NKAIN3: variants seen among roughly 807,000 people sequenced by gnomAD.
The protein encoded by NKAIN3 is sodium/potassium transporting ATPase interacting 3, also known as sodium/potassium-transporting ATPase subunit beta-1-interacting protein 3.
NKAIN3 carries 25 observed loss-of-function variants against 30.2 expected under a neutral mutation model. The observed-to-expected ratio is 0.83, with a 90% CI of 0.60 to 1.16. NKAIN3 has a LOEUF of 1.16. Ranked by LOEUF, NKAIN3 falls within the 50% of genes most tolerant of loss-of-function variation. The pLI, the probability that NKAIN3 is intolerant of heterozygous loss-of-function variation, is 0.00. For missense variants in NKAIN3, 225 were observed against 254.1 expected (o/e 0.89, Z 0.78); for synonymous variants, 91 against 89.6 (o/e 1.02, Z -0.09).
chr8:62,770,130 GA>G (rs2130634197), intron 4 of NKAIN3, among the ~76,000 whole-genome samples: 2 of 152,302 alleles, frequency 1.3e-5, no homozygotes, highest in Non-Finnish European at 2.9e-5. Flanking sequence ...ACAAGACTAG[GA>G]GGAGCCTGCA....
At chr8:62,660,884 C>A (rs1203671390) in intron 3 of NKAIN3, among the ~76,000 whole-genome samples, 1 of 152,220 alleles carries the variant, frequency 6.6e-6, no homozygotes, top group African/African-American at 2.4e-5. Flanking sequence ...ATTCAGCCAG[C>A]CCAGCTGGGG....
chr8:62,992,391 A>C (rs148373700), intron 5 of NKAIN3, among the ~76,000 whole-genome samples: 1 of 151,720 alleles, frequency 6.6e-6, no homozygotes, highest in African/African-American at 2.4e-5. Context: ...GCCCCTCTCT[A>C]TGTTACTTTA....
At chr8:62,935,870 A>G (rs777090414) in intron 5 of NKAIN3, among the ~76,000 whole-genome samples, 7 of 152,204 alleles carry the variant, frequency 4.6e-5, no homozygotes, top group Non-Finnish European at 8.8e-5. Flanking sequence ...GAAGCTTATC[A>G]TTAGAAAAAC....
intron 5 of NKAIN3, among the ~76,000 whole-genome samples, chr8:62,945,695 G>T (rs995910400): frequency 6.6e-6 from 1 of 152,080 alleles, no homozygotes; most frequent in Admixed American, 6.6e-5. Flanking sequence ...CATTCACTTG[G>T]GGCACACCTT....
intron 4 of NKAIN3, among the ~76,000 whole-genome samples, chr8:62,768,224 TCA>T (rs1816904905): frequency 6.6e-6 from 1 of 152,182 alleles, no homozygotes; most frequent in African/African-American, 2.4e-5. Context: ...CTCTTGTGTA[TCA>T]CAGAGTATCT....
chr8:62,781,947 A>T (rs1034027320), intron 4 of NKAIN3, among the ~76,000 whole-genome samples: 1 of 152,058 alleles, frequency 6.6e-6, no homozygotes, highest in Non-Finnish European at 1.5e-5. Flanking sequence ...AACAAATGGG[A>T]TATTTAACTA....
chr8:62,643,210 A>G (rs1812359811), intron 3 of NKAIN3, among the ~76,000 whole-genome samples: 2 of 152,162 alleles, frequency 1.3e-5, no homozygotes, highest in South Asian at 4.1e-4. Context: ...TAGTAACATT[A>G]TTCTACAAGT....
At chr8:62,454,968 A>G (rs760590204) in intron 1 of NKAIN3, among the ~76,000 whole-genome samples, 12 of 152,210 alleles carry the variant, frequency 7.9e-5, no homozygotes, top group African/African-American at 2.9e-4. Context: ...TGAAGTTGGC[A>G]CATGCCAACT....
chr8:62,959,303 A>T (rs1823503083), intron 6 of NKAIN3, among the ~76,000 whole-genome samples: 1 of 152,168 alleles, frequency 6.6e-6, no homozygotes, highest in Non-Finnish European at 1.5e-5. Context: ...ACAGATGCAG[A>T]GGTGGTCACG....
At chr8:62,853,702 C>T (rs1418177280) in intron 4 of NKAIN3, among the ~76,000 whole-genome samples, 3 of 152,116 alleles carry the variant, frequency 2.0e-5, no homozygotes, top group Non-Finnish European at 4.4e-5. Context: ...ATGTCTCTGT[C>T]TCCTTCAATT....
intron 3 of NKAIN3, among the ~76,000 whole-genome samples, chr8:62,640,874 A>G (rs1238643880): frequency 6.6e-6 from 1 of 152,080 alleles, no homozygotes; most frequent in African/African-American, 2.4e-5. Context: ...CTTAAATCGA[A>G]GCTGAAAACT....
intron 1 of NKAIN3, among the ~76,000 whole-genome samples, chr8:62,402,722 C>T (rs937868876): frequency 6.6e-6 from 1 of 152,180 alleles, no homozygotes; most frequent in Non-Finnish European, 1.5e-5. Context: ...AATTTAACCT[C>T]TTTCCTTTGT....
chr8:62,319,119 G>A (rs1374660424), intron 1 of NKAIN3, among the ~76,000 whole-genome samples: 2 of 152,148 alleles, frequency 1.3e-5, no homozygotes, highest in Admixed American at 6.5e-5. Flanking sequence ...GTTTATTTGT[G>A]TAGAGATGTT....
At chr8:62,948,290 C>G (rs1387126094) in intron 5 of NKAIN3, among the ~76,000 whole-genome samples, 1 of 151,702 alleles carries the variant, frequency 6.6e-6, no homozygotes, top group Non-Finnish European at 1.5e-5. Context: ...ACCTCCTCCT[C>G]GAGGGTTCAA....
At chr8:62,411,934 A>G (rs1383402461) in intron 1 of NKAIN3, among the ~76,000 whole-genome samples, 2 of 152,216 alleles carry the variant, frequency 1.3e-5, no homozygotes, top group Non-Finnish European at 2.9e-5. Context: ...AAAACATTCC[A>G]GGCTTATGGA....
chr8:62,285,919 G>C (rs1440570267), intron 1 of NKAIN3, among the ~76,000 whole-genome samples: 3 of 152,152 alleles, frequency 2.0e-5, no homozygotes, highest in Non-Finnish European at 4.4e-5. Flanking sequence ...TTGAATCTGT[G>C]TATTATGCAT....
chr8:62,921,288 A>G (rs1047812301), intron 5 of NKAIN3, among the ~76,000 whole-genome samples: 3 of 152,232 alleles, frequency 2.0e-5, no homozygotes, highest in Non-Finnish European at 4.4e-5. Context: ...CAGGCAATAC[A>G]TCATTCATAA....
intron 3 of NKAIN3, among the ~76,000 whole-genome samples, chr8:62,697,902 G>T (rs760806084): frequency 2.6e-4 from 40 of 152,084 alleles, no homozygotes; most frequent in Admixed American, 6.5e-5. Flanking sequence ...CAAATTGAAA[G>T]ACAACTGAAA....
chr8:62,897,711 C>T (rs111596178), intron 4 of NKAIN3, among the ~76,000 whole-genome samples: 3 of 152,136 alleles, frequency 2.0e-5, no homozygotes, highest in Non-Finnish European at 2.9e-5. Flanking sequence ...GCAGATCCCT[C>T]ATGAATAGAC....
Sources: gnomAD v4.1 joint callset for allele counts (sites outside exome capture counted in the v4.1 genomes callset) on GRCh38, gnomAD v4.1.1 for gene constraint, MANE v1.5 for transcripts, NCBI Gene and HGNC (gene_info 2026-07-23, HGNC 2026-07-21) for gene names.